The following ZFPM2 variants were observed in gnomAD, a reference collection of about 807,000 sequenced individuals.
The protein encoded by ZFPM2 is zinc finger protein, FOG family member 2, also known as zinc finger protein ZFPM2.
Under a neutral mutation model 98.6 loss-of-function variants are expected in ZFPM2, and 20 were observed. The observed-to-expected ratio is 0.20, with a 90% confidence interval of 0.14 to 0.29. ZFPM2 has a LOEUF of 0.29. ZFPM2 is among the 10% of genes least tolerant of loss of function. ZFPM2 has a pLI of 1.00. For synonymous variants in ZFPM2, 518 were observed against 502.7 expected (o/e 1.03, Z -0.41); for missense variants, 1,310 against 1,388.6 (o/e 0.94, Z 0.90).
At chr8:105,320,757 CTCATA>C (rs1812010532) in intron 1 of ZFPM2, among the ~76,000 whole-genome samples, 1 of 152,000 alleles carries the variant, frequency 6.6e-6, no homozygotes, top group African/African-American at 2.4e-5. Context: ...CTATGTCCAC[CTCATA>C]TAATTGAAGA....
intron 3 of ZFPM2, among the ~76,000 whole-genome samples, chr8:105,466,874 T>C (rs1812805316): frequency 6.6e-6 from 1 of 152,044 alleles, no homozygotes; most frequent in South Asian, 2.1e-4. Context: ...GATATTATAA[T>C]AGGGTGGAAA....
chr8:105,481,539 T>A (rs767094032), intron 3 of ZFPM2, among the ~76,000 whole-genome samples: 6 of 152,158 alleles, frequency 3.9e-5, no homozygotes, highest in Non-Finnish European at 7.3e-5. Flanking sequence ...TATGAGCTAA[T>A]AATCTAACCA....
intron 5 of ZFPM2, among the ~76,000 whole-genome samples, chr8:105,729,372 GT>G (rs1225264308): frequency 6.6e-6 from 1 of 151,154 alleles, no homozygotes; most frequent in Non-Finnish European, 1.5e-5. Context: ...CATTGTCATT[GT>G]TGTGTGTCTT....
chr8:105,608,213 A>C (rs1171120905), intron 4 of ZFPM2, among the ~76,000 whole-genome samples: 1 of 152,286 alleles, frequency 6.6e-6, no homozygotes, highest in South Asian at 2.1e-4. Flanking sequence ...GAAGCAGAAA[A>C]GATAACTGTT....
At chr8:105,591,926 A>T (rs988705780) in intron 4 of ZFPM2, among the ~76,000 whole-genome samples, 7 of 152,210 alleles carry the variant, frequency 4.6e-5, no homozygotes, top group African/African-American at 1.7e-4. Context: ...CACCAGATAA[A>T]GCAGAGTTGT....
At chr8:105,357,791 C>A (rs763793034) in intron 1 of ZFPM2, among the ~76,000 whole-genome samples, 1 of 152,086 alleles carries the variant, frequency 6.6e-6, no homozygotes, top group African/African-American at 2.4e-5. Flanking sequence ...AAAGGAAGGA[C>A]GTGTAAGTCA....
At chr8:105,430,966 C>A (rs906635556) in intron 2 of ZFPM2, among the ~76,000 whole-genome samples, 1 of 149,056 alleles carries the variant, frequency 6.7e-6, no homozygotes, top group Non-Finnish European at 1.5e-5. Flanking sequence ...TGCGATGGAG[C>A]GATCTCGGCT....
At chr8:105,632,579 A>G (rs1226981295) in intron 4 of ZFPM2, among the ~76,000 whole-genome samples, 1 of 152,226 alleles carries the variant, frequency 6.6e-6, no homozygotes, top group East Asian at 1.9e-4. Flanking sequence ...ATCATTTCAT[A>G]TAGAACAAGT....
At chr8:105,680,420 G>A (rs1167847234) in intron 5 of ZFPM2, among the ~76,000 whole-genome samples, 1 of 152,090 alleles carries the variant, frequency 6.6e-6, no homozygotes, top group East Asian at 1.9e-4. Flanking sequence ...TTTGCTTTAA[G>A]TATCAGAAAT....
chr8:105,418,441 A>C (rs550618470), intron 1 of ZFPM2: 1 of 434,306 alleles, frequency 2.3e-6, no homozygotes, highest in East Asian at 6.7e-5. Context: ...AGGTCCATTA[A>C]TGTAGCGCAC....
chr8:105,796,470 T>A (rs1484858611), intron 6 of ZFPM2, among the ~76,000 whole-genome samples: 14 of 152,220 alleles, frequency 9.2e-5, no homozygotes, highest in Non-Finnish European at 1.6e-4. Context: ...TGAAATTAAC[T>A]TGGAAGGGAA....
At chr8:105,501,578 G>T (rs1215811480) in intron 3 of ZFPM2, among the ~76,000 whole-genome samples, 3 of 149,958 alleles carry the variant, frequency 2.0e-5, no homozygotes, top group Non-Finnish European at 4.4e-5. Flanking sequence ...ATCTTGGCTT[G>T]TTGCAACCTC....
intron 5 of ZFPM2, among the ~76,000 whole-genome samples, chr8:105,640,546 T>A (rs1238642936): frequency 2.0e-5 from 3 of 152,046 alleles, no homozygotes; most frequent in Non-Finnish European, 4.4e-5. Flanking sequence ...ATGTCCTTTA[T>A]GTCCAAGGGC....
intron 3 of ZFPM2, among the ~76,000 whole-genome samples, chr8:105,552,606 A>C (rs1814885560): frequency 6.6e-6 from 1 of 151,764 alleles, no homozygotes; most frequent in South Asian, 2.1e-4. Context: ...AGCTAGTCAC[A>C]CTCCAGGTGA....
chr8:105,365,630 T>G (rs905183472), intron 1 of ZFPM2, among the ~76,000 whole-genome samples: 5 of 152,176 alleles, frequency 3.3e-5, no homozygotes, highest in Non-Finnish European at 5.9e-5. Flanking sequence ...TTTTGTTTGC[T>G]TGTTCATTTA....
chr8:105,376,337 A>T (rs1810724499), intron 1 of ZFPM2, among the ~76,000 whole-genome samples: 1 of 151,664 alleles, frequency 6.6e-6, no homozygotes, highest in African/African-American at 2.4e-5. Flanking sequence ...GTTCTTCAAG[A>T]CTCTCTCCTG....
intron 1 of ZFPM2, among the ~76,000 whole-genome samples, chr8:105,382,321 G>T (rs1223876246): frequency 6.6e-6 from 1 of 151,658 alleles, no homozygotes; most frequent in Admixed American, 6.6e-5. Flanking sequence ...ACCTTACAGG[G>T]AATTAAATAA....
chr8:105,499,830 G>A lies in ZFPM2; in HGVS notation c.301+55449G>A, dbSNP rs1355649409. 1.2e-4 allele frequency among the ~76,000 whole-genome samples: 18 copies of A among 152,254 alleles called. No homozygotes were observed. The East Asian group carries it at 2.9e-3, about 24-fold the overall frequency. On this transcript the variant is annotated intron_variant, in intron 3 of 7. Coordinates refer to ENST00000407775, the MANE Select transcript of ZFPM2 (RefSeq NM_012082.4). ...TTGTAGGGGCAGAGGTGGAGGTTGG[G>A]GGAAGTTTGGAGCATGGGTGATTAG...
At chr8:105,417,413 A>G (rs1218469392) in intron 1 of ZFPM2, among the ~76,000 whole-genome samples, 1 of 152,174 alleles carries the variant, frequency 6.6e-6, no homozygotes, top group Non-Finnish European at 1.5e-5. Flanking sequence ...ATAAAAAAAT[A>G]GAAAGTGCTT....
Sources: allele counts gnomAD v4.1 joint callset (sites outside exome capture counted in the v4.1 genomes callset), GRCh38; gene constraint gnomAD v4.1.1; transcripts MANE v1.5; gene names NCBI Gene and HGNC (gene_info 2026-07-23, HGNC 2026-07-21).